Variants in CARD14 observed in about 807,000 individuals in gnomAD.
CARD14 encodes caspase recruitment domain family member 14.
CARD14 carries 107 observed loss-of-function variants against 111.5 expected under a neutral mutation model. The observed-to-expected ratio is 0.96, with a 90% confidence interval of 0.82 to 1.13. CARD14 has a LOEUF of 1.13. Among genes scored for constraint, CARD14 ranks in the 50% most tolerant of loss-of-function variants. The probability of loss-of-function intolerance (pLI) is 0.00; values close to 1 mark genes in which losing one functional copy is unlikely to be tolerated. For synonymous variants in CARD14, 617 were observed against 579.6 expected (o/e 1.06, Z -0.93); for missense variants, 1,322 against 1,362.3 (o/e 0.97, Z 0.47).
intron 2 of CARD14, among the ~76,000 whole-genome samples, chr17:80,177,887 C>A (rs1031268190): frequency 6.6e-6 from 1 of 152,072 alleles, no homozygotes; most frequent in East Asian, 1.9e-4. Context: ...GACTAGGGCC[C>A]ACCCTAATGA....
intron 7 of CARD14, among the ~76,000 whole-genome samples, chr17:80,185,567 G>A (rs1411961128): frequency 3.3e-5 from 5 of 152,160 alleles, no homozygotes; most frequent in Admixed American, 2.0e-4. Context: ...CCACAGTGCA[G>A]TTCTCAACTT....
Position 80,190,772 on chromosome 17 carries a change from A to G in CARD14, c.964-2A>G, listed in dbSNP as rs2040500077. 1.2e-6 allele frequency: 2 copies of G among 1,613,996 alleles called. No individual in the cohort carries two copies. The highest frequency in any genetic ancestry group is 1.7e-6 in the Non-Finnish European group (2 of 1,179,970). On this transcript the variant is annotated splice_acceptor_variant, in intron 9 of 23. Transcript: ENST00000648509. LOFTEE classifies it high-confidence loss of function. ...ACGGTCCATGTGTCCCACTCTGTCC[A>G]GTACTGGGAAGAGAAGGAACAGACC...
chr17:80,195,476 G>C lies in CARD14; in HGVS notation c.1500-82G>C. ...CCTCGAAGCCCCAGAGCTGGCAGGT[G>C]CTGGGGGCCAGTGCTTGGGGCGTGG... On this transcript the variant is annotated intron_variant, in intron 13 of 23. Transcript: ENST00000648509. The surrounding 1 kb of genome is among the most constrained non-coding windows in gnomAD (Gnocchi z 4.7). 2.0e-6 allele frequency: 3 copies of C among 1,507,302 alleles called. No individual in the cohort carries two copies. In the East Asian group the frequency reaches 7.1e-5, roughly 35 times the overall value. The allele number at this position is 1,507,302 out of a possible 1,614,324, so 93.4% of individuals were successfully genotyped here.
Position 80,191,323 on chromosome 17 carries a change from G to T in CARD14, c.1090G>T (p.Ala364Ser). The T allele has an allele frequency of 1.9e-6, 3 of 1,611,092 alleles. No individual in the cohort carries two copies. The highest frequency in any genetic ancestry group is 2.5e-6 in the Non-Finnish European group (3 of 1,177,668). ...VCELQKERDQ[A>S]YSARDSAQRE... ...TCCTTACTCCCGTCGTGGCCCACAG[G>T]CGTACTCCGCGAGGGACAGTGCTCA... The change falls in exon 11 of 24, where the codon GCG becomes TCG. Residue 364 changes from alanine (A) to serine (S), a missense_variant and splice_region_variant. Coordinates refer to ENST00000648509, the MANE Select transcript of CARD14 (RefSeq NM_001366385.1).
At position 80,198,585 on chromosome 17, in the gene CARD14, T is replaced by A; in HGVS notation, c.1845T>A (p.Ile615=). 1 of 1,612,176 alleles carries A rather than the reference T, an allele frequency of 6.2e-7. No homozygotes were observed. Among genetic ancestry groups the A allele is most frequent in the Non-Finnish European group, 8.5e-7 (1 of 1,179,498 alleles). The stretch of plus-strand genomic sequence containing the variant: ...TGGCCTTGCGCCCGGGCACCCAGAT[T>A]GTGATGGTGAGCCGTGCGAGGCCCC... The part of the protein sequence containing the change: ...DQMALRPGTQ[I]VMVDYEASEP... The change falls in exon 16 of 24, where the codon ATT becomes ATA. Residue 615 remains isoleucine, a synonymous_variant. Transcript: ENST00000648509. This position sits in a 1 kb window ranked among gnomAD's most constrained non-coding sequence, Gnocchi z 7.5.
In CARD14 at chr17:80,201,851, T is replaced by C; in HGVS notation, c.1959T>C (p.Ser653=). 2 of 1,613,700 alleles carry C rather than the reference T, an allele frequency of 1.2e-6. No homozygotes were observed. The highest frequency in any genetic ancestry group is 1.7e-6 in the Non-Finnish European group (2 of 1,179,790). The change falls in exon 17 of 24, where the codon TCT becomes TCC. Residue 653 remains serine (S), a synonymous_variant. Coordinates refer to ENST00000648509, the MANE Select transcript of CARD14 (RefSeq NM_001366385.1). The surrounding 1 kb of genome is among the most constrained non-coding windows in gnomAD (Gnocchi z 5.0). ...GGGTGGACGGCTTCTGCTGCCTGTC[T>C]GTGAAGGTCAACACGGACGGTACAC... ...LRRVDGFCCL[S]VKVNTDGYKR...
chr17:80,198,980 A>T lies in CARD14; in HGVS notation c.1851+389A>T. The T allele has an allele frequency of 6.0e-6, 6 of 998,496 alleles. No homozygotes were observed. Among genetic ancestry groups the T allele is most frequent in the Non-Finnish European group, 7.3e-6 (6 of 822,364 alleles). The allele number at this position is 998,496 out of a possible 1,614,324, so 61.9% of individuals were successfully genotyped here. On this transcript the variant is annotated intron_variant, in intron 16 of 23. Coordinates refer to ENST00000648509, the MANE Select transcript of CARD14 (RefSeq NM_001366385.1). This position sits in a 1 kb window ranked among gnomAD's most constrained non-coding sequence, Gnocchi z 7.5. ...GTTTGTTGTTTTGAAACAGGGTCTC[A>T]CTCTGTCACCCAGGCTAGAGTGCTG...
rs927780082 is a variant in CARD14, at chr17:80,189,740, C to G, written c.844-13C>G. 2.6e-6 allele frequency: 4 copies of G among 1,561,850 alleles called. No homozygotes were observed. The African/African-American group carries it at 5.6e-5, about 22-fold the overall frequency. The stretch of plus-strand genomic sequence containing the variant: ...GGAAGCCAGCACCCCAGGCTGACCT[C>G]TCTCTGCCCCAGGCGGAGAAGGACA... On this transcript the variant is annotated splice_polypyrimidine_tract_variant and intron_variant, in intron 8 of 23. Coordinates refer to ENST00000648509, the MANE Select transcript of CARD14 (RefSeq NM_001366385.1). The surrounding 1 kb of genome is among the most constrained non-coding windows in gnomAD (Gnocchi z 4.7).
At position 80,188,254 on chromosome 17, in the gene CARD14, C is replaced by A; in HGVS notation, c.676-123C>A. 1.9e-6 allele frequency: 2 copies of A among 1,034,604 alleles called. No individual in the cohort carries two copies. Among genetic ancestry groups the A allele is most frequent in the Admixed American group, 3.7e-5 (1 of 26,898 alleles). The allele number at this position is 1,034,604 out of a possible 1,614,324, so 64.1% of individuals were successfully genotyped here. A position where few individuals can be genotyped will look rare whatever the true frequency, so the allele number is the denominator to read the frequency against. ...AACCCTTTCGTGGGTTTTTCAGTCT[C>A]GAGGCAGGAAGCCCCCTGAGTGCTA... On this transcript the variant is annotated intron_variant, in intron 7 of 23. Coordinates refer to ENST00000648509, the MANE Select transcript of CARD14 (RefSeq NM_001366385.1). This position sits in a 1 kb window ranked among gnomAD's most constrained non-coding sequence, Gnocchi z 4.5.
Position 80,201,886 on chromosome 17 carries a change from C to A in CARD14, c.1978+16C>A. On this transcript the variant is annotated intron_variant, in intron 17 of 23. Transcript: ENST00000648509. This position sits in a 1 kb window ranked among gnomAD's most constrained non-coding sequence, Gnocchi z 5.0. ...AACACGGACGGTACACATACCACTC[C>A]TCTCGTGTGCACAGCTGCCTGGCCA... The A allele has an allele frequency of 6.2e-7, 1 of 1,600,450 alleles. No individual in the cohort carries two copies. The highest frequency in any genetic ancestry group is 1.1e-5 in the South Asian group (1 of 89,528).
At position 80,207,030 on chromosome 17, in the gene CARD14, A is replaced by T; in HGVS notation, c.2752A>T (p.Ile918Phe). Residue 918 changes from isoleucine to phenylalanine, a missense_variant, in exon 23 of 24, where the codon ATC (isoleucine) becomes TTC (phenylalanine). Coordinates refer to ENST00000648509, the MANE Select transcript of CARD14 (RefSeq NM_001366385.1). ...TGTCTGCACCCTGCACAGGATGGACATCTTCCCCATCGTCATCCACGTCTC... is the reference window on the plus strand; with the variant it reads ...TGTCTGCACCCTGCACAGGATGGACTTCTTCCCCATCGTCATCCACGTCTC... The part of the protein sequence containing the change: ...DSVCTLHRMD[I>F]FPIVIHVSVN... 1.2e-6 allele frequency: 2 copies of T among 1,614,090 alleles called. No individual in the cohort carries two copies. Among genetic ancestry groups the T allele is most frequent in the Non-Finnish European group, 1.7e-6 (2 of 1,179,998 alleles).
Position 80,201,830 on chromosome 17 carries a change from G to A in CARD14, c.1938G>A (p.Val646=), listed in dbSNP as rs1255773294. 24 of 1,613,884 alleles carry A rather than the reference G, an allele frequency of 1.5e-5. No individual in the cohort carries two copies. The highest frequency in any genetic ancestry group is 1.8e-5 in the Non-Finnish European group (21 of 1,179,972). The change falls in exon 17 of 24, where the codon GTG becomes GTA. Residue 646 remains valine (V), a synonymous_variant. Transcript: ENST00000648509. This position sits in a 1 kb window ranked among gnomAD's most constrained non-coding sequence, Gnocchi z 5.0. ...AGGCCGTGGGGCTTCTCAGGAGGGTGGACGGCTTCTGCTGCCTGTCTGTGA... is the reference window on the plus strand; with the variant it reads ...AGGCCGTGGGGCTTCTCAGGAGGGTAGACGGCTTCTGCTGCCTGTCTGTGA... ...LEEAVGLLRR[V]DGFCCLSVKV...
Position 80,195,180 on chromosome 17 carries a change from C to G in CARD14, c.1357-11C>G. On this transcript the variant is annotated splice_polypyrimidine_tract_variant and intron_variant, in intron 12 of 23. Transcript: ENST00000648509. The surrounding 1 kb of genome is among the most constrained non-coding windows in gnomAD (Gnocchi z 4.7). ...TGCGTGCCCCACTGACTTCTGCCCT[C>G]CCTCCTCCAGTCTCAGCTCTTGTCG... is the stretch of plus-strand genomic sequence containing the variant. The G allele has an allele frequency of 6.3e-7, 1 of 1,592,108 alleles. No homozygotes were observed. Among genetic ancestry groups the G allele is most frequent in the Non-Finnish European group, 8.6e-7 (1 of 1,165,216 alleles).
Position 80,182,902 on chromosome 17 carries a change from G to A in CARD14, c.349+112G>A. The stretch of plus-strand genomic sequence containing the variant: ...TTTGCCCTACTCCCCCTTCCCTCCA[G>A]GCTGCAGTTCCTGTCCCAGCCCCAG... On this transcript the variant is annotated intron_variant, in intron 6 of 23. Coordinates refer to ENST00000648509, the MANE Select transcript of CARD14 (RefSeq NM_001366385.1). The surrounding 1 kb of genome is among the most constrained non-coding windows in gnomAD (Gnocchi z 4.7). 7.7e-7 allele frequency: 1 copy of A among 1,307,062 alleles called. No individual in the cohort carries two copies. Among genetic ancestry groups the A allele is most frequent in the Non-Finnish European group, 1.1e-6 (1 of 931,056 alleles). The allele number at this position is 1,307,062 out of a possible 1,614,324, so 81.0% of individuals were successfully genotyped here. A position where few individuals can be genotyped will look rare whatever the true frequency, so the allele number is the denominator to read the frequency against.
intron 16 of CARD14, among the ~76,000 whole-genome samples, chr17:80,200,229 A>ATTTTT (rs373332962): frequency 3.9e-4 from 29 of 74,410 alleles, no homozygotes; most frequent in African/African-American, 5.6e-4. Context: ...TTTACATGTC[A>ATTTTT]TTTTTTTTTT....
In CARD14 at chr17:80,181,400, C is replaced by T. The variant is rs144173621; in HGVS notation, c.-20-19C>T. 3.7e-4 allele frequency: 571 copies of T among 1,539,722 alleles called. 3 individuals carry two copies. The African/African-American group carries it at 6.4e-3, about 17-fold the overall frequency. On this transcript the variant is annotated intron_variant, in intron 4 of 23. Coordinates refer to ENST00000648509, the MANE Select transcript of CARD14 (RefSeq NM_001366385.1). ...TCCTGCTTACCTGACAACTCCACCC[C>T]CATGGCCACCCCTCCTAGGGTCCTC...
chr17:80,187,804 A>G lies in CARD14; in HGVS notation c.676-573A>G, dbSNP rs953062336. 6.1e-6 allele frequency: 6 copies of G among 985,328 alleles called. No individual in the cohort carries two copies. In the African/African-American group the frequency reaches 7.0e-5, roughly 11 times the overall value. The allele number at this position is 985,328 out of a possible 1,614,324, so 61.0% of individuals were successfully genotyped here. A position where few individuals can be genotyped will look rare whatever the true frequency, so the allele number is the denominator to read the frequency against. ...CCAAGTTTCTCTTGGGCTGCTGTCC[A>G]GAGGAAGGAGGCCAGCAGGACCTGG... On this transcript the variant is annotated intron_variant, in intron 7 of 23. Coordinates refer to ENST00000648509, the MANE Select transcript of CARD14 (RefSeq NM_001366385.1).
At chr17:80,174,307 G>A (rs2039974604) in intron 2 of CARD14, among the ~76,000 whole-genome samples, 1 of 152,108 alleles carries the variant, frequency 6.6e-6, no homozygotes, top group Non-Finnish European at 1.5e-5. Flanking sequence ...CTGCCTCCCG[G>A]GTTTAAGCGA....
chr17:80,190,373 A>G (rs568444711), intron 9 of CARD14, among the ~76,000 whole-genome samples: 45 of 152,146 alleles, frequency 3.0e-4, no homozygotes, highest in South Asian at 2.1e-3. Flanking sequence ...AGCACTTTGG[A>G]AGGCCGAGGC....
Sources: gnomAD v4.1 joint callset for allele counts (sites outside exome capture counted in the v4.1 genomes callset) on GRCh38, gnomAD v4.1.1 for gene constraint, Gnocchi (gnomAD v3.1) non-coding constraint, MANE v1.5 for transcripts, NCBI Gene and HGNC (gene_info 2026-07-23, HGNC 2026-07-21) for gene names.